The following SMCHD1 variants were observed in gnomAD, a reference collection of about 807,000 sequenced individuals.
SMCHD1 encodes the protein structural maintenance of chromosomes flexible hinge domain containing 1, also known as structural maintenance of chromosomes flexible hinge domain-containing protein 1.
A neutral mutation model predicts 254.7 loss-of-function variants in SMCHD1; 78 were observed. The ratio of observed to expected loss-of-function variants is 0.31; its 90% confidence interval spans 0.26 to 0.37. The LOEUF (loss-of-function observed/expected upper bound fraction) is 0.37, where lower values mean the gene tolerates loss of function less well. Ranked by LOEUF, SMCHD1 falls within the 10% of genes least tolerant of loss-of-function variation. The pLI is 1.00. For missense variants in SMCHD1, 1,840 were observed against 2,408.1 expected (o/e 0.76, Z 4.94); for synonymous variants, 766 against 794.9 (o/e 0.96, Z 0.61).
intron 12 of SMCHD1, among the ~76,000 whole-genome samples, chr18:2,703,348 T>C (rs1394618622): frequency 1.3e-5 from 2 of 152,194 alleles, no homozygotes. Context: ...AGGCCTCCAC[T>C]CATCCCTTTT....
intron 14 of SMCHD1, 95 bp from the exon 15 acceptor site, chr18:2,706,269 A>G (rs1356403833): frequency 3.8e-6 from 3 of 785,052 alleles, no homozygotes; most frequent in Admixed American, 2.9e-5. Context: ...TTAGGATAAA[A>G]TATATTTCTT....
chr18:2,767,013 A>G (rs535068858), intron 37 of SMCHD1, among the ~76,000 whole-genome samples: 2 of 152,290 alleles, frequency 1.3e-5, no homozygotes, highest in East Asian at 3.9e-4. Flanking sequence ...TAACCTTAAC[A>G]CTTTGGGAGG....
At chr18:2,704,391 T>C (rs113300755) in intron 13 of SMCHD1, among the ~76,000 whole-genome samples, 145 of 152,300 alleles carry the variant, frequency 9.5e-4, no homozygotes, top group African/African-American at 3.3e-3. Flanking sequence ...AAGTATTTTT[T>C]TGTTGAGCAT....
chr18:2,761,304 A>ATT (rs372409426), intron 35 of SMCHD1, among the ~76,000 whole-genome samples: 5 of 152,284 alleles, frequency 3.3e-5, no homozygotes, highest in African/African-American at 7.2e-5. Flanking sequence ...AAAACTACCT[A>ATT]TTAGGTACTG....
At chr18:2,782,203 A>G (rs2076167075) in intron 44 of SMCHD1, among the ~76,000 whole-genome samples, 1 of 152,176 alleles carries the variant, frequency 6.6e-6, no homozygotes, top group Non-Finnish European at 1.5e-5. Flanking sequence ...TCAGAGTTGT[A>G]ATATTGTTCA....
At chr18:2,773,032 T>C (rs2076010001) in intron 41 of SMCHD1, among the ~76,000 whole-genome samples, 1 of 152,232 alleles carries the variant, frequency 6.6e-6, no homozygotes, top group African/African-American at 2.4e-5. Context: ...AGAGCTTAGA[T>C]GTGACTCAAG....
At chr18:2,681,153 G>T (rs1055263756) in intron 5 of SMCHD1, among the ~76,000 whole-genome samples, 1 of 151,454 alleles carries the variant, frequency 6.6e-6, no homozygotes, top group Non-Finnish European at 1.5e-5. Context: ...TGGCTCACGC[G>T]TGTAATCCCA....
intron 33 of SMCHD1, 37 bp downstream of exon 33, chr18:2,751,430 G>T (rs2075569147): frequency 4.3e-6 from 5 of 1,175,446 alleles, no homozygotes; most frequent in Non-Finnish European, 6.1e-6. Flanking sequence ...GTTAAAAATA[G>T]TTCTTACATT....
chr18:2,731,311 A>G (rs1201191451), intron 24 of SMCHD1, among the ~76,000 whole-genome samples: 3 of 152,258 alleles, frequency 2.0e-5, no homozygotes, highest in Non-Finnish European at 4.4e-5. Context: ...TGTTGAATGG[A>G]CTATAACTAG....
chr18:2,798,899 CCA>C (rs1290629794), intron 47 of SMCHD1, among the ~76,000 whole-genome samples: 1 of 152,172 alleles, frequency 6.6e-6, no homozygotes, highest in African/African-American at 2.4e-5. Context: ...TGTTTTTGTG[CCA>C]CAGTCTCAGC....
At chr18:2,698,088 A>G (rs1404217211) in intron 10 of SMCHD1, 47 bp downstream of exon 10, 1 of 1,427,756 alleles carries the variant, frequency 7.0e-7, no homozygotes, top group East Asian at 2.3e-5. Context: ...GTTGTAATTT[A>G]GGACAGTGAT....
At chr18:2,722,135 C>T (rs1315110110) in intron 19 of SMCHD1, among the ~76,000 whole-genome samples, 1 of 152,052 alleles carries the variant, frequency 6.6e-6, no homozygotes, top group Non-Finnish European at 1.5e-5. Flanking sequence ...TATTGAATAT[C>T]GTGTTTTGCC....
chr18:2,685,595 TAGAC>T (rs2074034220), intron 5 of SMCHD1, among the ~76,000 whole-genome samples: 2 of 152,166 alleles, frequency 1.3e-5, no homozygotes, highest in South Asian at 4.1e-4. Flanking sequence ...CTTTACCCAT[TAGAC>T]AGTAACTCCC....
intron 25 of SMCHD1, among the ~76,000 whole-genome samples, 193 bp from the exon 26 acceptor site, chr18:2,738,204 A>C (rs2075285226): frequency 1.3e-5 from 2 of 152,180 alleles, no homozygotes; most frequent in African/African-American, 4.8e-5. Context: ...ATAGGGCAAT[A>C]TTAACAACAA....
intron 21 of SMCHD1, among the ~76,000 whole-genome samples, chr18:2,725,853 AC>A (rs2075017796): frequency 6.6e-6 from 1 of 151,936 alleles, no homozygotes; most frequent in Non-Finnish European, 1.5e-5. Context: ...TTTTGAAATA[AC>A]TTTAGAGGAA....
chr18:2,719,744 C>T (rs1256786841), intron 19 of SMCHD1, among the ~76,000 whole-genome samples: 6 of 148,264 alleles, frequency 4.0e-5, no homozygotes, highest in Admixed American at 4.0e-4. Context: ...GGTGTGATCT[C>T]GGCTCACTGC....
At chr18:2,797,082 A>G (rs921973866) in intron 47 of SMCHD1, among the ~76,000 whole-genome samples, 25 of 152,222 alleles carry the variant, frequency 1.6e-4, no homozygotes, top group Admixed American at 1.3e-3. Context: ...GTGATTGTTA[A>G]GAGTCAAATT....
At chr18:2,794,102 C>T (rs948193198) in intron 45 of SMCHD1, among the ~76,000 whole-genome samples, 1 of 152,010 alleles carries the variant, frequency 6.6e-6, no homozygotes, top group African/African-American at 2.4e-5. Context: ...TTTTGCAAGT[C>T]AAGTGGCAAA....
rs1491395194 is a variant in SMCHD1, at chr18:2,748,342, T to TTTG, written c.3927+696_3927+697insTGT. On this transcript the variant is annotated intron_variant, in intron 30 of 47. Coordinates refer to ENST00000320876, the MANE Select transcript of SMCHD1 (RefSeq NM_015295.3). ...GGAAAAGCTGCTAGTCTTTGCAAAGTTGTGTGTGTGTGTGTGTGTGTGTGT... is the reference window on the plus strand; with the variant it reads ...GGAAAAGCTGCTAGTCTTTGCAAAGTTTGTGTGTGTGTGTGTGTGTGTGTGTGT... Among the ~76,000 whole-genome samples, 40 of 78,458 alleles carry TTTG rather than the reference T, an allele frequency of 5.1e-4. 1 individual carries two copies. Among genetic ancestry groups the TTTG allele is most frequent in the Non-Finnish European group, 6.1e-4 (25 of 40,696 alleles). The allele number at this position is 78,458 out of a possible 152,430, so 51.5% of individuals were successfully genotyped here.
Sources: allele counts gnomAD v4.1 joint callset (sites outside exome capture counted in the v4.1 genomes callset), GRCh38; gene constraint gnomAD v4.1.1; transcripts MANE v1.5; gene names NCBI Gene and HGNC (gene_info 2026-07-23, HGNC 2026-07-21).